The following RNF166 variants were observed in gnomAD, a reference collection of about 807,000 sequenced individuals.
RNF166 encodes the protein E3 ubiquitin-protein ligase RNF166.
RNF166 carries 19 observed loss-of-function variants against 29.4 expected under a neutral mutation model. The ratio of observed to expected loss-of-function variants is 0.65; its 90% confidence interval spans 0.45 to 0.95. RNF166 has a LOEUF of 0.95. Ranked by LOEUF, RNF166 falls within the 40% of genes least tolerant of loss-of-function variation. RNF166 has a pLI of 0.00. For missense variants in RNF166, 347 were observed against 322.1 expected (o/e 1.08, Z -0.59); for synonymous variants, 171 against 134.5 (o/e 1.27, Z -1.88).
intron 3 of RNF166, among the ~76,000 whole-genome samples, 191 bp downstream of exon 3, chr16:88,699,429 G>C (rs1695265640): frequency 1.3e-5 from 2 of 152,236 alleles, no homozygotes; most frequent in South Asian, 4.1e-4. Flanking sequence ...TACCCCAGGG[G>C]GCCTGGTGGG....
chr16:88,700,800 T>C, intron 2 of RNF166: 1 of 1,037,324 alleles, frequency 9.6e-7, no homozygotes, highest in South Asian at 3.0e-5. Context: ...CTGATGTGGG[T>C]GTGGCAGTGC....
In RNF166 at chr16:88,698,472, G is replaced by T. The variant is rs373302275; in HGVS notation, c.648+30C>A. ...GGAGGAGGGTGGATGAGGAGGGCGT[G>T]GGGGAGGACGGTGCTGGCGGGATGC... On this transcript the variant is annotated intron_variant, in intron 5 of 5. Coordinates refer to ENST00000312838, the MANE Select transcript of RNF166 (RefSeq NM_178841.4). 10 of 1,508,114 alleles carry T rather than the reference G, an allele frequency of 6.6e-6. No homozygotes were observed. In the South Asian group the frequency reaches 1.1e-4, roughly 16 times the overall value. The allele number at this position is 1,508,114 out of a possible 1,614,324, so 93.4% of individuals were successfully genotyped here.
intron 2 of RNF166, among the ~76,000 whole-genome samples, chr16:88,700,331 ACG>A (rs1186437457): frequency 6.6e-6 from 1 of 152,140 alleles, no homozygotes; most frequent in Non-Finnish European, 1.5e-5. Context: ...AGATTAGAGA[ACG>A]GAGCTGCTGT....
At chr16:88,697,709 C>A (rs1021763192) in intron 5 of RNF166, 76 bp from the exon 6 acceptor site, 13 of 1,075,650 alleles carry the variant, frequency 1.2e-5, no homozygotes, top group Admixed American at 2.0e-5. Context: ...ATCACCCACA[C>A]AGGCGTGTCC....
At chr16:88,706,135 G>A (rs1910775656) in intron 1 of RNF166, 36 bp downstream of exon 1, 3 of 1,137,514 alleles carry the variant, frequency 2.6e-6, no homozygotes, top group South Asian at 4.1e-5. Context: ...GCGGGGCACG[G>A]CCCCCTCCCC....
At chr16:88,697,658 C>T in intron 5 of RNF166, 25 bp from the exon 6 acceptor site, 1 of 1,534,152 alleles carries the variant, frequency 6.5e-7, no homozygotes, top group Non-Finnish European at 8.8e-7. Context: ...GAGAGATGCA[C>T]CGGGCTCGAG....
Position 88,706,223 on chromosome 16 carries a change from T to TG in RNF166, c.102dup (p.Ile35HisfsTer187). ...GGCCGGTGATAGACCTCCAGGCAGA[T>TG]GGGGCAGGTGTACTGCGCCTCCAGG... On this transcript the variant is annotated frameshift_variant, in exon 1 of 6. Transcript: ENST00000312838. LOFTEE classifies it high-confidence loss of function. 7.6e-7 allele frequency: 1 copy of TG among 1,321,098 alleles called. No individual in the cohort carries two copies. Among genetic ancestry groups the TG allele is most frequent in the Non-Finnish European group, 9.7e-7 (1 of 1,031,182 alleles). 81.8% of individuals were successfully genotyped at this position (1,321,098 alleles called of 1,614,324 possible).
chr16:88,699,980 A>C, intron 2 of RNF166: 1 of 379,122 alleles, frequency 2.6e-6, no homozygotes, highest in South Asian at 4.1e-5. Flanking sequence ...GGAGAAGGGT[A>C]GCGGGAAACA....
At chr16:88,698,699 A>C (rs1567634943) in intron 4 of RNF166, 90 bp from the exon 5 acceptor site, 2 of 1,021,314 alleles carry the variant, frequency 2.0e-6, no homozygotes, top group South Asian at 3.3e-5. Context: ...GAGCCCCGTC[A>C]GTGCTGCCTC....
chr16:88,704,199 G>T, intron 1 of RNF166: 8 of 985,472 alleles, frequency 8.1e-6, no homozygotes, highest in Non-Finnish European at 8.4e-6. Flanking sequence ...GGAACCTGAA[G>T]AGCCTTTAAA....
chr16:88,702,975 C>T (rs1910405697), intron 1 of RNF166: 3 of 985,558 alleles, frequency 3.0e-6, no homozygotes, highest in South Asian at 4.7e-5. Context: ...GCTCAGGTGC[C>T]CGTCGGTAAA....
intron 2 of RNF166, chr16:88,700,473 A>T: frequency 5.3e-6 from 2 of 378,072 alleles, no homozygotes; most frequent in Non-Finnish European, 3.6e-6. Context: ...CAGCCGCACC[A>T]CTCTGGAGTC....
chr16:88,703,088 G>A, intron 1 of RNF166: 32 of 985,576 alleles, frequency 3.2e-5, no homozygotes, highest in Non-Finnish European at 3.7e-5. Context: ...AAACAGTGCA[G>A]GGCAGACAGC....
In RNF166 at chr16:88,697,070, A is replaced by C. The variant is rs1909702419; in HGVS notation, c.*498T>G. The C allele has an allele frequency of 5.8e-6, 1 of 171,914 alleles. No homozygotes were observed. Among genetic ancestry groups the C allele is most frequent in the Non-Finnish European group, 1.2e-5 (1 of 80,254 alleles). The allele number at this position is 171,914 out of a possible 1,614,324, so 10.6% of individuals were successfully genotyped here. ...TGTCTTTGCTCTATAAAACGTGAAA[A>C]GATTATCACACTGGATAATATAGAA... On this transcript the variant is annotated 3_prime_UTR_variant, in exon 6 of 6. Coordinates refer to ENST00000312838, the MANE Select transcript of RNF166 (RefSeq NM_178841.4).
chr16:88,698,270 C>T, intron 5 of RNF166: 1 of 695,388 alleles, frequency 1.4e-6, no homozygotes, highest in South Asian at 1.5e-5. Flanking sequence ...CCTGTGCGGT[C>T]CATGTCCCCG....
intron 1 of RNF166, chr16:88,703,120 TG>T: frequency 2.0e-6 from 2 of 985,442 alleles, no homozygotes; most frequent in Non-Finnish European, 2.4e-6. Flanking sequence ...ACCCGTGTCG[TG>T]GGGGTCCACT....
chr16:88,698,532 G>A lies in RNF166; in HGVS notation c.618C>T (p.His206=). 1 of 1,574,078 alleles carries A rather than the reference G, an allele frequency of 6.4e-7. No homozygotes were observed. The highest frequency in any genetic ancestry group is 8.6e-7 in the Non-Finnish European group (1 of 1,159,488). The change falls in exon 5 of 6, where the codon CAC becomes CAT. Residue 206 remains histidine (H), a synonymous_variant. Coordinates refer to ENST00000312838, the MANE Select transcript of RNF166 (RefSeq NM_178841.4). ...AGGTGTCGTAGGAGAACTTGTGTCGGTGAAGCAGGTGCTGCAGGAAGTTGG... is the reference window on the plus strand; with the variant it reads ...AGGTGTCGTAGGAGAACTTGTGTCGATGAAGCAGGTGCTGCAGGAAGTTGG... ...KSANFLQHLL[H]RHKFSYDTFV... is the part of the protein sequence containing the mutation.
At chr16:88,698,250 A>C in intron 5 of RNF166, 1 of 662,132 alleles carries the variant, frequency 1.5e-6, no homozygotes, top group Admixed American at 2.3e-5. Flanking sequence ...GTGGGCAGGC[A>C]GGGACCTGCC....
At chr16:88,701,845 C>T (rs974058073) in intron 1 of RNF166, among the ~76,000 whole-genome samples, 4 of 152,344 alleles carry the variant, frequency 2.6e-5, no homozygotes, top group Non-Finnish European at 5.9e-5. Context: ...GGGGATAAAA[C>T]CTCAAACAAT....
Sources: allele counts gnomAD v4.1 joint callset (sites outside exome capture counted in the v4.1 genomes callset), GRCh38; gene constraint gnomAD v4.1.1; transcripts MANE v1.5; gene names NCBI Gene and HGNC (gene_info 2026-07-23, HGNC 2026-07-21).